Variants in PUM3 observed in about 807,000 individuals in gnomAD.
PUM3 encodes pumilio RNA binding family member 3, also known as pumilio homolog 3.
A neutral mutation model predicts 84.0 loss-of-function variants in PUM3; 91 were observed. That is an observed-to-expected ratio of 1.08 (90% CI 0.91 to 1.29). The LOEUF (loss-of-function observed/expected upper bound fraction) is 1.29. Ranked by LOEUF, PUM3 falls within the 50% of genes most tolerant of loss-of-function variation. The pLI is 0.00. For missense variants in PUM3, 1,067 were observed against 767.5 expected (o/e 1.39, Z -4.61); for synonymous variants, 321 against 266.7 (o/e 1.20, Z -1.98).
At position 2,816,936 on chromosome 9, in the gene PUM3, TA is replaced by T. The variant is rs549771478; in HGVS notation, c.1269+3081del. 3.0e-3 allele frequency among the ~76,000 whole-genome samples: 455 copies of T among 152,332 alleles called. 1 individual carries two copies. The highest frequency in any genetic ancestry group is 3.9e-3 in the Admixed American group (59 of 15,300). On this transcript the variant is annotated intron_variant, in intron 13 of 17. Transcript: ENST00000397885. ...ATCTAGTTACTCTAAATGGAATGCT[TA>T]GCAACACACTAAGCTTTCTTGGCTA... is the stretch of plus-strand genomic sequence containing the variant.
chr9:2,823,011 T>C (rs192030924), intron 12 of PUM3, among the ~76,000 whole-genome samples: 32 of 151,840 alleles, frequency 2.1e-4, no homozygotes, highest in African/African-American at 6.5e-4. Flanking sequence ...TCACTGGATG[T>C]TTTCAAAGGA....
chr9:2,834,105 T>G lies in PUM3; in HGVS notation c.366A>C (p.Gln122His). 1 of 1,613,824 alleles carries G rather than the reference T, an allele frequency of 6.2e-7. No individual in the cohort carries two copies. The highest frequency in any genetic ancestry group is 8.5e-7 in the Non-Finnish European group (1 of 1,179,820). Reference protein sequence around the residue: ...DFKKKKKELKQSRQLSDKTNY... With the variant: ...DFKKKKKELKHSRQLSDKTNY... ...TGGTTTTATCACTGAGTTGTCTGCT[T>G]TGCTTCAGTTCTTTCTTCTTCTTTT... The change falls in exon 4 of 18, where the codon CAA becomes CAC. Residue 122 changes from glutamine to histidine, a missense_variant. Transcript: ENST00000397885.
chr9:2,829,907 C>G lies in PUM3; in HGVS notation c.719G>C (p.Gly240Ala), dbSNP rs938818371. The G allele has an allele frequency of 1.2e-6, 2 of 1,613,590 alleles. No homozygotes were observed. The highest frequency in any genetic ancestry group is 2.7e-5 in the African/African-American group (2 of 74,888). The change falls in exon 8 of 18, where the codon GGC becomes GCC. Residue 240 changes from glycine (G) to alanine (A), a missense_variant. Transcript: ENST00000397885. ...ATGCCGCAGCATCTTCCTCACGTGG[C>G]CTTTAAAACTTCTGATTATCTCTGC... Reference protein sequence around the residue: ...QIAEIIRSFKGHVRKMLRHAE... With the variant: ...QIAEIIRSFKAHVRKMLRHAE...
intron 13 of PUM3, among the ~76,000 whole-genome samples, chr9:2,815,650 T>C (rs12346255): frequency 0.11 from 16,489 of 152,244 alleles, 1,683 homozygotes; most frequent in African/African-American, 0.27. Flanking sequence ...AAAGCTGCCA[T>C]AAAATAATTA....
intron 1 of PUM3, among the ~76,000 whole-genome samples, chr9:2,843,798 T>C (rs998916025): frequency 6.6e-6 from 1 of 151,866 alleles, no homozygotes; most frequent in Non-Finnish European, 1.5e-5. Context: ...CAGGATGGTC[T>C]CGATCTCCTG....
chr9:2,826,061 A>T (rs1209816931), intron 10 of PUM3, among the ~76,000 whole-genome samples: 1 of 152,000 alleles, frequency 6.6e-6, no homozygotes, highest in African/African-American at 2.4e-5. Flanking sequence ...ATGGAAAGCC[A>T]TGCATATATT....
intron 10 of PUM3, among the ~76,000 whole-genome samples, chr9:2,826,732 G>C (rs973626004): frequency 2.3e-4 from 35 of 150,616 alleles, no homozygotes; most frequent in African/African-American, 8.3e-4. Context: ...TTTTTTTTTT[G>C]TATTAGCACA....
At chr9:2,822,367 G>A (rs1270964421) in intron 12 of PUM3, among the ~76,000 whole-genome samples, 1 of 151,800 alleles carries the variant, frequency 6.6e-6, no homozygotes, top group Non-Finnish European at 1.5e-5. Context: ...AATTTAAAAG[G>A]AACAAAAGAA....
At chr9:2,820,200 TCA>T in intron 12 of PUM3, 102 bp from the exon 13 acceptor site, 119 of 208,100 alleles carry the variant, frequency 5.7e-4, no homozygotes, top group Middle Eastern at 3.2e-3. Context: ...GAGACTCCGC[TCA>T]AAAAAAAAAA....
chr9:2,820,452 C>T (rs1821565553), intron 12 of PUM3, among the ~76,000 whole-genome samples: 1 of 151,806 alleles, frequency 6.6e-6, no homozygotes, highest in South Asian at 2.1e-4. Context: ...ATAAGATTAA[C>T]TTCAAAAAAC....
chr9:2,827,210 A>G (rs1013626019), intron 9 of PUM3, 59 bp from the exon 10 acceptor site: 14 of 1,215,262 alleles, frequency 1.2e-5, no homozygotes, highest in Admixed American at 1.0e-4. Flanking sequence ...AGTCATACAA[A>G]GACAGGTAAT....
chr9:2,816,976 T>C (rs1192723159), intron 13 of PUM3, among the ~76,000 whole-genome samples: 2 of 152,370 alleles, frequency 1.3e-5, no homozygotes, highest in Admixed American at 1.3e-4. Flanking sequence ...TTAAAAGCAC[T>C]GCGTAATGCA....
chr9:2,812,995 A>G (rs1004352486), intron 13 of PUM3, among the ~76,000 whole-genome samples: 12 of 152,218 alleles, frequency 7.9e-5, no homozygotes, highest in African/African-American at 2.7e-4. Flanking sequence ...GTTAAATCGA[A>G]CAAGTGGATA....
At chr9:2,830,825 A>C (rs1409064204) in intron 7 of PUM3, 137 bp downstream of exon 7, 2 of 591,512 alleles carry the variant, frequency 3.4e-6, no homozygotes, top group East Asian at 5.9e-5. Flanking sequence ...CTCTCTAAAA[A>C]CAACACAAGC....
chr9:2,815,474 G>A (rs1270668912), intron 13 of PUM3, among the ~76,000 whole-genome samples: 1 of 152,136 alleles, frequency 6.6e-6, no homozygotes, highest in Non-Finnish European at 1.5e-5. Context: ...AGTTGATTTT[G>A]TGCAGAATTT....
chr9:2,804,389 T>C lies in PUM3; in HGVS notation c.1889A>G (p.Glu630Gly). ...AALKSLIPTL[E>G]KTKSTSKGIE... ...TCCTTTGCTGGTGCTTTTGGTTTTTTCCAATGTAGGAATCAAGCTTTTCAG... is the reference window on the plus strand; with the variant it reads ...TCCTTTGCTGGTGCTTTTGGTTTTTCCCAATGTAGGAATCAAGCTTTTCAG... Residue 630 changes from glutamate (E) to glycine (G), a missense_variant, in exon 18 of 18, where the codon GAA becomes GGA. Glu to Gly is a moderately conservative substitution (Grantham distance 98). Transcript: ENST00000397885. 6 of 1,614,090 alleles carry C rather than the reference T, an allele frequency of 3.7e-6. No homozygotes were observed. The highest frequency in any genetic ancestry group is 5.1e-6 in the Non-Finnish European group (6 of 1,179,996).
rs1302909050 is a variant in PUM3 at position 2,804,417 on chromosome 9, C to T, written c.1861G>A (p.Ala621Thr). 2 of 1,613,882 alleles carry T rather than the reference C, an allele frequency of 1.2e-6. No individual in the cohort carries two copies. The highest frequency in any genetic ancestry group is 2.2e-5 in the East Asian group (1 of 44,864). ...DLEVANKVKAALKSLIPTLEK... is the reference protein window; with the variant it reads ...DLEVANKVKATLKSLIPTLEK... ...AATGTAGGAATCAAGCTTTTCAGTGCAGCTTTGACTTTGTTTGCAACTTCC... is the reference window on the plus strand; with the variant it reads ...AATGTAGGAATCAAGCTTTTCAGTGTAGCTTTGACTTTGTTTGCAACTTCC... Residue 621 changes from alanine (A) to threonine (T), a missense_variant, in exon 18 of 18, where the codon GCA becomes ACA. Ala to Thr is a moderately conservative substitution (Grantham distance 58). Transcript: ENST00000397885.
chr9:2,829,999 G>C, intron 7 of PUM3, 51 bp from the exon 8 acceptor site: 2 of 1,536,858 alleles, frequency 1.3e-6, no homozygotes, highest in Non-Finnish European at 8.9e-7. Flanking sequence ...AGAAAGCTGG[G>C]TGACAATAAA....
Position 2,840,625 on chromosome 9 carries a change from T to A in PUM3, c.-10-2108A>T, listed in dbSNP as rs114626754. Among the ~76,000 whole-genome samples, 896 of 152,374 alleles carry A rather than the reference T, an allele frequency of 5.9e-3. 11 individuals carry two copies. The highest frequency in any genetic ancestry group is 0.021 in the African/African-American group (853 of 41,598). ...CATATAGTCTCAGATATTTATTTCA[T>A]TCCTTGGTTATAATCCAATACCACT... On this transcript the variant is annotated intron_variant, in intron 1 of 17. Transcript: ENST00000397885.
Sources: allele counts gnomAD v4.1 joint callset (sites outside exome capture counted in the v4.1 genomes callset), GRCh38; gene constraint gnomAD v4.1.1; transcripts MANE v1.5; gene names NCBI Gene and HGNC (gene_info 2026-07-23, HGNC 2026-07-21).